Variants in LSAMP observed in about 807,000 individuals in gnomAD.
The protein encoded by LSAMP is limbic system associated membrane protein.
LSAMP carries 7 observed loss-of-function variants against 38.6 expected under a neutral mutation model. The observed-to-expected ratio is 0.18, with a 90% CI of 0.10 to 0.34. The LOEUF is 0.34. LSAMP is among the 10% of genes least tolerant of loss of function. LSAMP has a pLI of 1.00. For synonymous variants in LSAMP, 154 were observed against 166.8 expected, an observed-to-expected ratio of 0.92 and a Z score of 0.59; for missense variants, 313 against 420.0, an observed-to-expected ratio of 0.75 and a Z score of 2.23.
intron 2 of LSAMP, among the ~76,000 whole-genome samples, chr3:116,067,900 A>G (rs1207689551): frequency 6.6e-6 from 1 of 152,200 alleles, no homozygotes. Flanking sequence ...AGTGTGCAGA[A>G]TTTAACAGTT....
chr3:115,931,392 C>A (rs1937578687), intron 3 of LSAMP, among the ~76,000 whole-genome samples: 1 of 152,176 alleles, frequency 6.6e-6, no homozygotes, highest in Non-Finnish European at 1.5e-5. Context: ...GCTGAGTGAC[C>A]TGCTTTCTCA....
chr3:116,378,988 AACACACACACAC>A (rs3028640), intron 1 of LSAMP, among the ~76,000 whole-genome samples: 3,506 of 137,104 alleles, frequency 0.026, 133 homozygotes, highest in African/African-American at 0.086. Flanking sequence ...AATTGCTCAG[AACACACACACAC>A]ACACACACAC....
chr3:116,401,738 C>T (rs2048843726), intron 1 of LSAMP, among the ~76,000 whole-genome samples: 1 of 152,172 alleles, frequency 6.6e-6, no homozygotes, highest in East Asian at 1.9e-4. Flanking sequence ...AATTAGTTCA[C>T]TATTCATAGA....
chr3:115,861,262 A>G (rs1344528031), intron 3 of LSAMP, among the ~76,000 whole-genome samples: 3 of 150,554 alleles, frequency 2.0e-5, no homozygotes, highest in Non-Finnish European at 4.4e-5. Context: ...ATAAAATCGT[A>G]TGAAAATTCT....
At chr3:116,291,264 T>C (rs996542174) in intron 1 of LSAMP, among the ~76,000 whole-genome samples, 6 of 152,132 alleles carry the variant, frequency 3.9e-5, no homozygotes, top group Non-Finnish European at 7.4e-5. Context: ...TCAGCTTAGA[T>C]TTTCTGGGAG....
chr3:116,263,064 T>C (rs2107660414), intron 1 of LSAMP, among the ~76,000 whole-genome samples: 1 of 152,340 alleles, frequency 6.6e-6, no homozygotes, highest in Non-Finnish European at 1.5e-5. Flanking sequence ...CTGTCTGCTC[T>C]CTAATGGTCA....
intron 3 of LSAMP, among the ~76,000 whole-genome samples, chr3:115,970,605 C>G (rs912799421): frequency 1.3e-5 from 2 of 152,046 alleles, no homozygotes; most frequent in Non-Finnish European, 2.9e-5. Context: ...ACTTTTAGGT[C>G]AGAACGAAGA....
At chr3:116,071,061 A>T (rs1707592677) in intron 2 of LSAMP, among the ~76,000 whole-genome samples, 1 of 145,484 alleles carries the variant, frequency 6.9e-6, no homozygotes, top group South Asian at 2.1e-4. Flanking sequence ...AATAATAAAT[A>T]AATAAATAAA....
At chr3:116,218,887 G>T (rs541955347) in intron 1 of LSAMP, among the ~76,000 whole-genome samples, 1 of 152,186 alleles carries the variant, frequency 6.6e-6, no homozygotes, top group East Asian at 1.9e-4. Flanking sequence ...TTTTCTATTG[G>T]TAACAATGTA....
intron 1 of LSAMP, among the ~76,000 whole-genome samples, chr3:116,119,609 TAATC>T (rs1359896749): frequency 2.6e-5 from 4 of 151,884 alleles, no homozygotes; most frequent in Admixed American, 2.6e-4. Flanking sequence ...AATGGATACA[TAATC>T]ATTTATATAA....
At chr3:116,348,542 C>T (rs900246749) in intron 1 of LSAMP, among the ~76,000 whole-genome samples, 3 of 152,052 alleles carry the variant, frequency 2.0e-5, no homozygotes, top group African/African-American at 7.2e-5. Flanking sequence ...TCCCTGTAAC[C>T]TTAATAGTAA....
intron 3 of LSAMP, among the ~76,000 whole-genome samples, chr3:115,940,375 A>G (rs999670495): frequency 4.4e-5 from 3 of 67,902 alleles, no homozygotes; most frequent in African/African-American, 1.4e-4. Context: ...TTAGCTAGAC[A>G]GAGTGCTTAT....
At chr3:115,931,354 T>A (rs1276509178) in intron 3 of LSAMP, among the ~76,000 whole-genome samples, 2 of 152,208 alleles carry the variant, frequency 1.3e-5, no homozygotes, top group Non-Finnish European at 2.9e-5. Flanking sequence ...ATGACTAAGT[T>A]GAGAAAGACT....
chr3:116,040,145 C>T (rs1287236175), intron 2 of LSAMP, among the ~76,000 whole-genome samples: 1 of 152,150 alleles, frequency 6.6e-6, no homozygotes, highest in East Asian at 1.9e-4. Context: ...TTTTATCCTT[C>T]CTGGGTAAAC....
intron 1 of LSAMP, among the ~76,000 whole-genome samples, chr3:116,427,206 C>T (rs2049210593): frequency 6.6e-6 from 1 of 150,458 alleles, no homozygotes; most frequent in African/African-American, 2.4e-5. Flanking sequence ...CTGCAAGCTC[C>T]GCTTCCCGGG....
intron 3 of LSAMP, among the ~76,000 whole-genome samples, chr3:115,976,850 G>A (rs72957754): frequency 0.016 from 2,425 of 152,114 alleles, 49 homozygotes; most frequent in African/African-American, 0.053. Context: ...TGCCATGATT[G>A]TCATGCCACC....
At chr3:115,892,270 G>T (rs1053410656) in intron 3 of LSAMP, among the ~76,000 whole-genome samples, 4 of 151,826 alleles carry the variant, frequency 2.6e-5, no homozygotes, top group African/African-American at 9.7e-5. Context: ...ACAGAAACAG[G>T]TTCATATGTT....
At chr3:116,275,043 A>T (rs901142282) in intron 1 of LSAMP, among the ~76,000 whole-genome samples, 2 of 150,932 alleles carry the variant, frequency 1.3e-5, no homozygotes, top group Non-Finnish European at 2.9e-5. Context: ...ACGGCCACAA[A>T]GGATTTAAAA....
At chr3:116,233,237 C>T (rs1213168820) in intron 1 of LSAMP, among the ~76,000 whole-genome samples, 3 of 151,838 alleles carry the variant, frequency 2.0e-5, no homozygotes, top group East Asian at 1.9e-4. Flanking sequence ...CACAGTGCAA[C>T]CCCGTCTCTA....
Sources: allele counts gnomAD v4.1 joint callset (sites outside exome capture counted in the v4.1 genomes callset), GRCh38; gene constraint gnomAD v4.1.1; transcripts MANE v1.5; gene names NCBI Gene and HGNC (gene_info 2026-07-23, HGNC 2026-07-21).